Variants in UQCC1 observed in about 807,000 individuals in gnomAD.
UQCC1 encodes the protein ubiquinol-cytochrome c reductase complex assembly factor 1.
Under a neutral mutation model 48.0 loss-of-function variants are expected in UQCC1, and 38 were observed. The observed-to-expected ratio is 0.79, with a 90% CI of 0.61 to 1.04. The LOEUF (loss-of-function observed/expected upper bound fraction) is 1.04. UQCC1 is among the 50% of genes least tolerant of loss of function. UQCC1 has a pLI of 0.00. For missense variants in UQCC1, 368 were observed against 381.8 expected (o/e 0.96, Z 0.30); for synonymous variants, 111 against 129.2 (o/e 0.86, Z 0.95).
intron 9 of UQCC1, among the ~76,000 whole-genome samples, chr20:35,305,015 T>G (rs1013078255): frequency 6.6e-6 from 1 of 152,190 alleles, no homozygotes; most frequent in Non-Finnish European, 1.5e-5. Flanking sequence ...GAACCTCTGG[T>G]TGGCTCTTGG....
At chr20:35,397,361 A>C (rs1403684477) in intron 1 of UQCC1, among the ~76,000 whole-genome samples, 2 of 151,156 alleles carry the variant, frequency 1.3e-5, no homozygotes, top group Non-Finnish European at 3.0e-5. Flanking sequence ...TAAAAATACA[A>C]AAAAATTAGC....
chr20:35,355,830 A>C (rs1460034261), intron 6 of UQCC1, among the ~76,000 whole-genome samples: 1 of 151,838 alleles, frequency 6.6e-6, no homozygotes, highest in Non-Finnish European at 1.5e-5. Flanking sequence ...TTCTTTTTAC[A>C]TAAATGGTAC....
At chr20:35,342,225 C>T (rs2061388316) in intron 7 of UQCC1, among the ~76,000 whole-genome samples, 1 of 152,154 alleles carries the variant, frequency 6.6e-6, no homozygotes, top group Non-Finnish European at 1.5e-5. Flanking sequence ...TCAACTACAG[C>T]CCACTCCCAT....
intron 1 of UQCC1, among the ~76,000 whole-genome samples, chr20:35,408,093 T>C (rs918327291): frequency 1.3e-5 from 2 of 151,984 alleles, no homozygotes; most frequent in Non-Finnish European, 2.9e-5. Flanking sequence ...AATAATACAA[T>C]GAGACACCAT....
chr20:35,403,919 G>A (rs1256047273), intron 1 of UQCC1, among the ~76,000 whole-genome samples: 1 of 152,124 alleles, frequency 6.6e-6, no homozygotes, highest in Non-Finnish European at 1.5e-5. Flanking sequence ...CGTGGGGTGG[G>A]GGGAGCGGGG....
At chr20:35,353,173 CAGGTGGATTACTTG>C (rs1476487674) in intron 6 of UQCC1, among the ~76,000 whole-genome samples, 2 of 148,116 alleles carry the variant, frequency 1.4e-5, no homozygotes, top group Non-Finnish European at 3.0e-5. Flanking sequence ...GAGGCCGAGG[CAGGTGGATTACTTG>C]AGGTTAGGAG....
At chr20:35,325,918 A>T (rs1464587640) in intron 7 of UQCC1, among the ~76,000 whole-genome samples, 1 of 152,212 alleles carries the variant, frequency 6.6e-6, no homozygotes, top group African/African-American at 2.4e-5. Context: ...TGGTGGCAAG[A>T]ATCAGAAGGT....
intron 7 of UQCC1, among the ~76,000 whole-genome samples, chr20:35,317,845 C>A (rs926256805): frequency 6.6e-6 from 1 of 152,198 alleles, no homozygotes; most frequent in Admixed American, 6.5e-5. Flanking sequence ...GCCTTTCTTT[C>A]CCCCTGTTGA....
chr20:35,374,281 C>A, intron 4 of UQCC1, 25 bp from the exon 5 acceptor site: 1 of 1,576,536 alleles, frequency 6.3e-7, no homozygotes, highest in Non-Finnish European at 8.7e-7. Context: ...TAAAACCAAA[C>A]TCAAGACATG....
At chr20:35,399,673 A>G (rs1416477238) in intron 1 of UQCC1, among the ~76,000 whole-genome samples, 1 of 151,888 alleles carries the variant, frequency 6.6e-6, no homozygotes, top group African/African-American at 2.4e-5. Context: ...CCTGGCCAAC[A>G]TGGCAAAACC....
intron 7 of UQCC1, among the ~76,000 whole-genome samples, chr20:35,329,893 T>C (rs891108206): frequency 2.0e-5 from 3 of 152,234 alleles, no homozygotes; most frequent in African/African-American, 7.2e-5. Flanking sequence ...CAGAAAACTC[T>C]GGTTAAAATG....
At chr20:35,389,430 A>G (rs2061986859) in intron 2 of UQCC1, among the ~76,000 whole-genome samples, 1 of 151,672 alleles carries the variant, frequency 6.6e-6, no homozygotes, top group African/African-American at 2.4e-5. Flanking sequence ...GGGCGTGGTG[A>G]GCTCGCACCT....
At chr20:35,350,969 G>C (rs1345760869) in intron 6 of UQCC1, among the ~76,000 whole-genome samples, 1 of 151,662 alleles carries the variant, frequency 6.6e-6, no homozygotes, top group Non-Finnish European at 1.5e-5. Flanking sequence ...TTGAACCCGA[G>C]GGGTGGAGGT....
At chr20:35,392,825 T>C (rs926376519) in intron 2 of UQCC1, among the ~76,000 whole-genome samples, 3 of 151,420 alleles carry the variant, frequency 2.0e-5, no homozygotes, top group Non-Finnish European at 2.9e-5. Flanking sequence ...ATATAATATA[T>C]ATAATTACAT....
intron 8 of UQCC1, among the ~76,000 whole-genome samples, chr20:35,309,736 T>G (rs1190926470): frequency 6.6e-6 from 1 of 152,100 alleles, no homozygotes; most frequent in African/African-American, 2.4e-5. Context: ...TGTTTCAGCT[T>G]TGGAGGGTTC....
intron 1 of UQCC1, among the ~76,000 whole-genome samples, chr20:35,400,003 G>T (rs192043720): frequency 1.8e-3 from 237 of 132,376 alleles, no homozygotes; most frequent in Middle Eastern, 9.3e-3. Context: ...TCGGCTCACC[G>T]CAACCTTCAC....
At chr20:35,394,925 C>T (rs1240190104) in intron 1 of UQCC1, among the ~76,000 whole-genome samples, 1 of 152,142 alleles carries the variant, frequency 6.6e-6, no homozygotes, top group Non-Finnish European at 1.5e-5. Context: ...CAGCTGCCTC[C>T]TCAGATTCAA....
intron 9 of UQCC1, among the ~76,000 whole-genome samples, chr20:35,305,183 C>T (rs1205829545): frequency 6.6e-6 from 1 of 152,216 alleles, no homozygotes; most frequent in Non-Finnish European, 1.5e-5. Flanking sequence ...GCTGGCTCCT[C>T]GAGGGCAGGA....
At chr20:35,350,520 A>G (rs1431804721) in intron 6 of UQCC1, among the ~76,000 whole-genome samples, 1 of 151,550 alleles carries the variant, frequency 6.6e-6, no homozygotes, top group South Asian at 2.1e-4. Flanking sequence ...AACATGGTGA[A>G]ACCCCATCTC....
Sources: allele counts gnomAD v4.1 joint callset (sites outside exome capture counted in the v4.1 genomes callset), GRCh38; gene constraint gnomAD v4.1.1; transcripts MANE v1.5; gene names NCBI Gene and HGNC (gene_info 2026-07-23, HGNC 2026-07-21).